ALLC: variants seen among roughly 807,000 people sequenced by gnomAD.
ALLC encodes the protein probable inactive allantoicase.
Under a neutral mutation model 45.0 loss-of-function variants are expected in ALLC, and 40 were observed. That is an observed-to-expected ratio of 0.89 (90% CI 0.69 to 1.16). The LOEUF (loss-of-function observed/expected upper bound fraction) is 1.16. Ranked by LOEUF, ALLC falls within the 50% of genes most tolerant of loss-of-function variation. The probability of loss-of-function intolerance (pLI) is 0.00; values close to 1 mark genes in which losing one functional copy is unlikely to be tolerated. For synonymous variants in ALLC, 176 were observed against 178.1 expected (o/e 0.99, Z 0.09); for missense variants, 488 against 493.1 (o/e 0.99, Z 0.10).
At chr2:3,700,726 T>C (rs1667805125) in intron 10 of ALLC, among the ~76,000 whole-genome samples, 1 of 152,224 alleles carries the variant, frequency 6.6e-6, no homozygotes, top group Non-Finnish European at 1.5e-5. Context: ...TCTAATGTTC[T>C]CTACTTGCAT....
chr2:3,698,477 T>TCTTCCCCAGGCTTCA (rs2148023419), intron 10 of ALLC, among the ~76,000 whole-genome samples: 1 of 152,356 alleles, frequency 6.6e-6, no homozygotes, highest in African/African-American at 2.4e-5. Context: ...AGTGACCATT[T>TCTTCCCCAGGCTTCA]CTTCCCCAGG....
intron 3 of ALLC, among the ~76,000 whole-genome samples, chr2:3,677,010 A>T (rs1002415392): frequency 2.0e-5 from 3 of 151,612 alleles, no homozygotes; most frequent in Admixed American, 1.3e-4. Context: ...CTGGTCTCGA[A>T]CTCCTGACCT....
rs767685543 is a variant in ALLC at position 3,671,165 on chromosome 2, T to C, written c.8T>C (p.Met3Thr). Residue 3 changes from methionine (M) to threonine (T), a missense_variant, in exon 2 of 12, where the codon ATG becomes ACG. By Grantham distance (81) the Met-to-Thr change is moderately conservative. Transcript: ENST00000252505. The stretch of plus-strand genomic sequence containing the variant: ...CTGGACTTCACCCAGCTGATGGACA[T>C]GGCATCTGAATCCGTAGGAGGAAAA... Reference protein sequence around the residue: MDMASESVGGKIL... With the variant: MDTASESVGGKIL... The C allele has an allele frequency of 1.2e-5, 19 of 1,611,668 alleles. No homozygotes were observed. In the Admixed American group the frequency reaches 1.3e-4, roughly 11 times the overall value.
Position 3,686,306 on chromosome 2 carries a change from G to T in ALLC, c.511+3232G>T, listed in dbSNP as rs182393578. On this transcript the variant is annotated intron_variant, in intron 7 of 11. Transcript: ENST00000252505. ...CTGTAAATGTGTTGATTTATATCTGGGTTCTCTATTGTGTTGTCTGTTTTT... is the reference window on the plus strand; with the variant it reads ...CTGTAAATGTGTTGATTTATATCTGTGTTCTCTATTGTGTTGTCTGTTTTT... 1.3e-4 allele frequency among the ~76,000 whole-genome samples: 19 copies of T among 150,580 alleles called. 1 individual carries two copies. The East Asian group carries it at 3.4e-3, about 27-fold the overall frequency.
chr2:3,647,839 G>A, the ALLC span, among the ~76,000 whole-genome samples: 72 of 152,232 alleles, frequency 4.7e-4, no homozygotes, highest in African/African-American at 1.6e-3. Flanking sequence ...CTTCACTCTC[G>A]CAACCCAGCT....
chr2:3,665,378 T>A (rs1228687330), intron 1 of ALLC, among the ~76,000 whole-genome samples: 1 of 152,222 alleles, frequency 6.6e-6, no homozygotes, highest in Non-Finnish European at 1.5e-5. Context: ...TAGGTAAACG[T>A]GTGCCATGGT....
intron 1 of ALLC, among the ~76,000 whole-genome samples, chr2:3,660,819 A>AATCGGAATGAGTCAGGGTGGAGCAGTTG (rs1666554431): frequency 9.3e-6 from 1 of 106,988 alleles, no homozygotes; most frequent in African/African-American, 5.0e-5. Context: ...TGGGGCAGGA[A>AATCGGAATGAGTCAGGGTGGAGCAGTTG]ATCGGAATGA....
intron 1 of ALLC, among the ~76,000 whole-genome samples, chr2:3,662,231 A>G (rs532931185): frequency 6.6e-6 from 1 of 152,328 alleles, no homozygotes; most frequent in South Asian, 2.1e-4. Context: ...AGAATTACCC[A>G]GGCCCGTCTT....
chr2:3,650,273 TC>T, the ALLC span, among the ~76,000 whole-genome samples: 1 of 152,150 alleles, frequency 6.6e-6, no homozygotes. Flanking sequence ...TGTTCCAGGT[TC>T]CTGCAGGAGC....
chr2:3,684,478 G>A (rs574372182), intron 7 of ALLC, among the ~76,000 whole-genome samples: 129 of 152,278 alleles, frequency 8.5e-4, no homozygotes, highest in Middle Eastern at 3.4e-3. Context: ...ACATGGATAA[G>A]TTCTTTAGTG....
At chr2:3,670,782 T>C in intron 1 of ALLC, among the ~76,000 whole-genome samples, 1 of 152,146 alleles carries the variant, frequency 6.6e-6, no homozygotes, top group Non-Finnish European at 1.5e-5. Context: ...AAATAATCTC[T>C]CTCTTTTAAA....
chr2:3,659,287 C>T (rs916700908), intron 1 of ALLC, among the ~76,000 whole-genome samples: 4 of 152,074 alleles, frequency 2.6e-5, no homozygotes, highest in African/African-American at 9.7e-5. Context: ...TAAGGCTAAT[C>T]TCAAAAGAAA....
intron 11 of ALLC, 44 bp downstream of exon 11, chr2:3,701,680 A>G (rs781015640): frequency 5.1e-6 from 8 of 1,568,532 alleles, no homozygotes; most frequent in Non-Finnish European, 5.2e-6. Context: ...AGACTGTGCT[A>G]TTTCCCTAAG....
Position 3,701,612 on chromosome 2 carries a change from G to GA in ALLC, c.954dup (p.Pro319ThrfsTer18). 6.2e-7 allele frequency: 1 copy of GA among 1,611,650 alleles called. No individual in the cohort carries two copies. The highest frequency in any genetic ancestry group is 1.1e-5 in the South Asian group (1 of 90,272). ...AGTGGATTCTCCCGGCCCACAAGTG[G>GA]AAACCACTGCTTCCAGTGACCAAGG... On this transcript the variant is annotated frameshift_variant, in exon 11 of 12. Coordinates refer to ENST00000252505, the MANE Select transcript of ALLC (RefSeq NM_018436.4). LOFTEE classifies it high-confidence loss of function.
At chr2:3,657,820 C>T (rs1348315027), upstream of ALLC, among the ~76,000 whole-genome samples, 9 of 152,256 alleles carry the variant, frequency 5.9e-5, no homozygotes, top group Non-Finnish European at 1.3e-4. Flanking sequence ...GCCAAACCCT[C>T]CCAAGGGCCC....
At chr2:3,651,763 C>T in the ALLC span, among the ~76,000 whole-genome samples, 1 of 152,072 alleles carries the variant, frequency 6.6e-6, no homozygotes, top group Non-Finnish European at 1.5e-5. Flanking sequence ...AGGGGCAGGA[C>T]GAGATCCCTG....
chr2:3,679,652 A>G (rs1667118790), intron 4 of ALLC, among the ~76,000 whole-genome samples: 1 of 152,228 alleles, frequency 6.6e-6, no homozygotes, highest in South Asian at 2.1e-4. Flanking sequence ...TCTTCTGGCT[A>G]GAACTGAGGA....
chr2:3,681,690 G>A lies in ALLC; in HGVS notation c.355G>A (p.Glu119Lys), dbSNP rs1449944076. ...CAGGACAGGAGCTGCAGCCACTCCT[G>A]AGGAGTTTGAAGCCATTGCTGAGGT... Reference protein sequence around the residue: ...GTRTGAAATPEEFEAIAELKS... With the variant: ...GTRTGAAATPKEFEAIAELKS... Residue 119 changes from glutamate to lysine, a missense_variant, in exon 6 of 12, where the codon GAG becomes AAG. Coordinates refer to ENST00000252505, the MANE Select transcript of ALLC (RefSeq NM_018436.4). 8.1e-6 allele frequency: 13 copies of A among 1,610,544 alleles called. No individual in the cohort carries two copies. The highest frequency in any genetic ancestry group is 1.6e-4 in the Middle Eastern group (1 of 6,082).
chr2:3,698,032 T>C (rs1055334159), intron 10 of ALLC, among the ~76,000 whole-genome samples: 5 of 151,938 alleles, frequency 3.3e-5, no homozygotes, highest in Non-Finnish European at 5.9e-5. Context: ...GGCATGATCT[T>C]GGCTCACTGC....
Sources: allele counts gnomAD v4.1 joint callset (sites outside exome capture counted in the v4.1 genomes callset), GRCh38; gene constraint gnomAD v4.1.1; transcripts MANE v1.5; gene names NCBI Gene and HGNC (gene_info 2026-07-23, HGNC 2026-07-21).